Variants in POLA1 observed in about 807,000 individuals in gnomAD.
POLA1 encodes DNA polymerase alpha 1, catalytic subunit.
POLA1 carries 15 observed loss-of-function variants against 124.0 expected under a neutral mutation model. That is an observed-to-expected ratio of 0.12 (90% CI 0.08 to 0.19). The LOEUF (loss-of-function observed/expected upper bound fraction) is 0.19, where lower values mean the gene tolerates loss of function less well. Among genes scored for constraint, POLA1 ranks in the 10% least tolerant of loss-of-function variants. POLA1 has a pLI of 1.00. For missense variants in POLA1, 886 were observed against 1,103.4 expected, an observed-to-expected ratio of 0.80 and a Z score of 2.79; for synonymous variants, 408 against 389.4, an observed-to-expected ratio of 1.05 and a Z score of -0.56.
chrX:24,802,573 G>T (rs908387460), intron 26 of POLA1, among the ~76,000 whole-genome samples: 1 of 112,171 alleles, frequency 8.9e-6, no homozygotes, highest in African/African-American at 3.2e-5. Context: ...GGGAGGTAGT[G>T]ATGCTAGAGA....
rs190297364 is a variant in POLA1, at chrX:24,967,347, G to A, written c.4262-28458G>A. On this transcript the variant is annotated intron_variant, in intron 36 of 36. Coordinates refer to ENST00000379068, the MANE Select transcript of POLA1 (RefSeq NM_001330360.2). ...TACATAGATGTCTGGGTAGAGATTT[G>A]TATGCTGATTGTTTGAGGGGCTGTA... 3.2e-3 allele frequency among the ~76,000 whole-genome samples: 355 copies of A among 110,375 alleles called. 1 individual carries two copies. The highest frequency in any genetic ancestry group is 0.011 in the African/African-American group (320 of 30,267).
chrX:24,792,251 C>T (rs1338069149), intron 26 of POLA1, among the ~76,000 whole-genome samples: 1 of 111,423 alleles, frequency 9.0e-6, no homozygotes, highest in Admixed American at 9.5e-5. Flanking sequence ...GTTCTCCAAA[C>T]AGCTGTTAAG....
At chrX:24,696,262 T>C (rs113832374) in intron 1 of POLA1, among the ~76,000 whole-genome samples, 5,258 of 111,950 alleles carry the variant, frequency 0.047, 318 homozygotes, top group African/African-American at 0.16. Context: ...TAGAAGAATA[T>C]TGTGTTCACA....
intron 26 of POLA1, among the ~76,000 whole-genome samples, chrX:24,777,615 C>T (rs1016399013): frequency 2.7e-5 from 3 of 112,319 alleles, no homozygotes; most frequent in Non-Finnish European, 3.8e-5. Context: ...CAATTCACTG[C>T]CAGTTACAGT....
rs1020276495 is a variant in POLA1, at chrX:24,717,286, A to G, written c.707-4A>G. The G allele has an allele frequency of 1.0e-5, 12 of 1,201,319 alleles. No individual in the cohort carries two copies. In the Admixed American group the frequency reaches 1.1e-4, roughly 11 times the overall value. ...ATGACAAGAATGTGTGATGATGCCT[A>G]CAGGCGATGATGTACAGGTCGAGAG... On this transcript the variant is annotated splice_region_variant and splice_polypyrimidine_tract_variant and intron_variant, in intron 8 of 36. Transcript: ENST00000379068.
At chrX:24,769,781 C>A (rs1364419965) in intron 26 of POLA1, among the ~76,000 whole-genome samples, 2 of 111,788 alleles carry the variant, frequency 1.8e-5, no homozygotes, top group Non-Finnish European at 3.8e-5. Flanking sequence ...ATAAAGACAG[C>A]CTGGTTGGAT....
intron 10 of POLA1, among the ~76,000 whole-genome samples, chrX:24,720,032 C>T (rs1374638922): frequency 9.0e-6 from 1 of 111,019 alleles, no homozygotes; most frequent in African/African-American, 3.3e-5. Context: ...CTGCCTACAA[C>T]ATAAAGTCCA....
intron 16 of POLA1, among the ~76,000 whole-genome samples, chrX:24,733,343 C>T (rs1032177997): frequency 1.8e-5 from 2 of 112,277 alleles, no homozygotes; most frequent in Non-Finnish European, 3.8e-5. Flanking sequence ...ACTATGTGAA[C>T]AGCTGTTGTG....
At chrX:24,983,389 T>A (rs1238718896) in intron 36 of POLA1, among the ~76,000 whole-genome samples, 1 of 112,745 alleles carries the variant, frequency 8.9e-6, no homozygotes, top group Non-Finnish European at 1.9e-5. Flanking sequence ...TGGAATCCTT[T>A]CTTCATCTCT....
intron 26 of POLA1, among the ~76,000 whole-genome samples, chrX:24,781,854 A>G (rs968479729): frequency 1.5e-4 from 17 of 111,848 alleles, no homozygotes; most frequent in African/African-American, 5.5e-4. Context: ...TTGTAGTGGA[A>G]TCCATTTTCT....
At chrX:24,894,788 C>CTTTTTTTTTTT (rs761056089) in intron 35 of POLA1, among the ~76,000 whole-genome samples, 2 of 98,605 alleles carry the variant, frequency 2.0e-5, no homozygotes, top group African/African-American at 3.8e-5. Context: ...CTTTTCTTTT[C>CTTTTTTTTTTT]TTTTTTTTTT....
At chrX:24,764,813 A>G (rs1351307437) in intron 26 of POLA1, among the ~76,000 whole-genome samples, 1 of 111,299 alleles carries the variant, frequency 9.0e-6, no homozygotes, top group Non-Finnish European at 1.9e-5. Context: ...ATTTCTCTCC[A>G]TTGACACTGC....
intron 34 of POLA1, among the ~76,000 whole-genome samples, chrX:24,852,193 C>G (rs2046571592): frequency 8.9e-6 from 1 of 112,016 alleles, no homozygotes; most frequent in African/African-American, 3.2e-5. Flanking sequence ...GAAAAATTCT[C>G]TAAGCCTGGA....
intron 32 of POLA1, among the ~76,000 whole-genome samples, chrX:24,829,343 A>G (rs2046224856): frequency 9.0e-6 from 1 of 111,564 alleles, no homozygotes; most frequent in African/African-American, 3.3e-5. Context: ...GCCACTTGAC[A>G]GTGGTTTTTA....
intron 35 of POLA1, among the ~76,000 whole-genome samples, chrX:24,918,000 AC>A (rs953393980): frequency 9.0e-6 from 1 of 111,259 alleles, no homozygotes; most frequent in Non-Finnish European, 1.9e-5. Flanking sequence ...ACTTGGTAGA[AC>A]CAGAATTTGA....
intron 34 of POLA1, among the ~76,000 whole-genome samples, chrX:24,860,639 C>A (rs185768414): frequency 8.9e-6 from 1 of 112,499 alleles, no homozygotes; most frequent in Non-Finnish European, 1.9e-5. Context: ...AGAAGCAACT[C>A]TGTAGGAATA....
chrX:24,907,713 A>G (rs1016457408), intron 35 of POLA1, among the ~76,000 whole-genome samples: 4 of 112,137 alleles, frequency 3.6e-5, no homozygotes, highest in African/African-American at 1.3e-4. Flanking sequence ...CAGCTCTGAG[A>G]ATTGCTAAAG....
chrX:24,988,038 T>C (rs1205277682), intron 36 of POLA1, among the ~76,000 whole-genome samples: 1 of 112,559 alleles, frequency 8.9e-6, no homozygotes, highest in Non-Finnish European at 1.9e-5. Context: ...AGGGAAGATA[T>C]CCAGAGGATT....
chrX:24,775,626 T>G (rs1410446242), intron 26 of POLA1, among the ~76,000 whole-genome samples: 1 of 111,549 alleles, frequency 9.0e-6, no homozygotes, highest in African/African-American at 3.3e-5. Flanking sequence ...GCTTCTCCTT[T>G]TAGTCTTTAG....
Sources: gnomAD v4.1 joint callset for allele counts (sites outside exome capture counted in the v4.1 genomes callset) on GRCh38, gnomAD v4.1.1 for gene constraint, MANE v1.5 for transcripts, NCBI Gene and HGNC (gene_info 2026-07-23, HGNC 2026-07-21) for gene names.